The following SNX14 variants were observed in gnomAD, a reference collection of about 807,000 sequenced individuals.
SNX14 encodes the protein sorting nexin 14.
A neutral mutation model predicts 133.8 loss-of-function variants in SNX14; 93 were observed. The observed-to-expected ratio is 0.70, with a 90% CI of 0.59 to 0.83. The LOEUF (loss-of-function observed/expected upper bound fraction) is 0.83, where lower values mean the gene tolerates loss of function less well. Among genes scored for constraint, SNX14 ranks in the 40% least tolerant of loss-of-function variants. The pLI is 0.00. For missense variants in SNX14, 945 were observed against 1,094.9 expected (o/e 0.86, Z 1.93); for synonymous variants, 368 against 365.6 (o/e 1.01, Z -0.07).
At chr6:85,586,932 G>C (rs908002617) in intron 1 of SNX14, among the ~76,000 whole-genome samples, 2 of 152,114 alleles carry the variant, frequency 1.3e-5, no homozygotes, top group African/African-American at 2.4e-5. Flanking sequence ...TGTAATCCCA[G>C]CTACCTGGGA....
Position 85,555,271 on chromosome 6 carries a change from G to T in SNX14, c.634+2705C>A, listed in dbSNP as rs1252657508. Among the ~76,000 whole-genome samples the T allele has an allele frequency of 2.6e-5, 4 of 152,006 alleles. No individual in the cohort carries two copies. In the East Asian group the frequency reaches 7.7e-4, roughly 29 times the overall value. ...AAACTGTATTAAAAATACTTCCCCC[G>T]CACAAAAACCTACAAATGCTTATAA... On this transcript the variant is annotated intron_variant, in intron 7 of 28. Transcript: ENST00000314673.
chr6:85,545,648 A>T (rs1238779144), intron 12 of SNX14, among the ~76,000 whole-genome samples: 1 of 152,232 alleles, frequency 6.6e-6, no homozygotes, highest in Non-Finnish European at 1.5e-5. Flanking sequence ...ATGCATTCAT[A>T]CAATGGAATA....
At chr6:85,516,206 TTAAAA>T (rs1297821892) in intron 23 of SNX14, among the ~76,000 whole-genome samples, 117 of 152,318 alleles carry the variant, frequency 7.7e-4, no homozygotes, top group African/African-American at 2.7e-3. Flanking sequence ...TAGATGTTCC[TTAAAA>T]TAATCATTCC....
intron 1 of SNX14, among the ~76,000 whole-genome samples, chr6:85,588,321 C>T (rs1801628158): frequency 6.6e-6 from 1 of 151,898 alleles, no homozygotes; most frequent in African/African-American, 2.4e-5. Context: ...CGCCTGTAAT[C>T]CCAGCACTTT....
At position 85,567,561 on chromosome 6, in the gene SNX14, A is replaced by G; in HGVS notation, c.434T>C (p.Leu145Ser). The change falls in exon 5 of 29, where the codon TTG (leucine) becomes TCG (serine). Residue 145 changes from leucine (L) to serine (S), a missense_variant. This residue lies in a region of SNX14 where 514 missense variants were observed against 538.8 expected (regional missense o/e 0.95). Transcript: ENST00000314673. Reference sequence around the variant, plus strand: ...GTACCACGGATAAACAAAGTTTTCCAACACTAATTCAAGAACCTGCATAAA... The same window carrying G: ...GTACCACGGATAAACAAAGTTTTCCGACACTAATTCAAGAACCTGCATAAA... The part of the protein sequence containing the change: ...ASLSEVLELV[L>S]ENFVYPWYRD... The G allele has an allele frequency of 2.0e-6, 3 of 1,511,568 alleles. No individual in the cohort carries two copies. The highest frequency in any genetic ancestry group is 2.6e-6 in the Non-Finnish European group (3 of 1,140,504). The allele number at this position is 1,511,568 out of a possible 1,614,324, so 93.6% of individuals were successfully genotyped here.
In SNX14 at chr6:85,593,834, C is replaced by G. The variant is rs894703071; in HGVS notation, c.-116G>C. On this transcript the variant is annotated 5_prime_UTR_variant, in exon 1 of 29. Coordinates refer to ENST00000314673, the MANE Select transcript of SNX14 (RefSeq NM_153816.6). ...CTTGGCGGCGCACACAGACGCCTAC[C>G]GGCAGTTAGCCGCCGCAGGCTGAGG... 1.8e-5 allele frequency: 27 copies of G among 1,529,254 alleles called. No homozygotes were observed. The East Asian group carries it at 3.2e-4, about 18-fold the overall frequency. 94.7% of individuals were successfully genotyped at this position (1,529,254 alleles called of 1,614,324 possible). A position where few individuals can be genotyped will look rare whatever the true frequency, so the allele number is the denominator to read the frequency against.
intron 20 of SNX14, among the ~76,000 whole-genome samples, chr6:85,527,523 A>C (rs887205836): frequency 2.0e-5 from 3 of 152,092 alleles, no homozygotes; most frequent in Admixed American, 1.3e-4. Flanking sequence ...GGAAGCATCC[A>C]AATTTAACTG....
intron 2 of SNX14, 152 bp downstream of exon 2, chr6:85,574,106 T>A: frequency 1.3e-5 from 5 of 390,806 alleles, no homozygotes; most frequent in African/African-American, 6.3e-5. Flanking sequence ...TTTAGCAGAG[T>A]ACCTAAAAAA....
At chr6:85,568,799 A>T (rs1794712726) in intron 4 of SNX14, among the ~76,000 whole-genome samples, 1 of 152,210 alleles carries the variant, frequency 6.6e-6, no homozygotes, top group Non-Finnish European at 1.5e-5. Context: ...AGCATTGTTT[A>T]TATGTGTTGG....
chr6:85,518,054 A>T lies in SNX14; in HGVS notation c.2108-6T>A, dbSNP rs761522182. ...AACAGATTTTATAATTTTCCCTGCAATTAAAAGTAAAACATTATTTTAGGA... is the reference window on the plus strand; with the variant it reads ...AACAGATTTTATAATTTTCCCTGCATTTAAAAGTAAAACATTATTTTAGGA... On this transcript the variant is annotated splice_polypyrimidine_tract_variant and splice_region_variant and intron_variant, in intron 21 of 28. Transcript: ENST00000314673. 6.3e-7 allele frequency: 1 copy of T among 1,599,632 alleles called. No individual in the cohort carries two copies. The highest frequency in any genetic ancestry group is 1.1e-5 in the South Asian group (1 of 88,756).
At chr6:85,515,253 C>CTCTGTG (rs1774453053) in intron 23 of SNX14, among the ~76,000 whole-genome samples, 2 of 77,534 alleles carry the variant, frequency 2.6e-5, no homozygotes, top group Middle Eastern at 0.016. Context: ...GGTGACAGAG[C>CTCTGTG]AAGACCGTCA....
chr6:85,547,321 G>A lies in SNX14; in HGVS notation c.989C>T (p.Pro330Leu). 5 of 1,613,332 alleles carry A rather than the reference G, an allele frequency of 3.1e-6. No individual in the cohort carries two copies. Among genetic ancestry groups the A allele is most frequent in the Admixed American group, 1.7e-5 (1 of 59,876 alleles). ...GTTATTGCTGAAAATTCTTACAGAT[G>A]GCTTTTTATTTCTAGGTTCTGCAAA... ...QKFAEPRNKK[P>L]SVLKLELKQI... Residue 330 changes from proline (P) to leucine (L), a missense_variant, in exon 11 of 29, where the codon CCA becomes CTA. By Grantham distance (98) the Pro-to-Leu change is moderately conservative. Coordinates refer to ENST00000314673, the MANE Select transcript of SNX14 (RefSeq NM_153816.6).
Position 85,574,391 on chromosome 6 carries a change from T to C in SNX14, c.141-13A>G. On this transcript the variant is annotated splice_polypyrimidine_tract_variant and intron_variant, in intron 1 of 28. Coordinates refer to ENST00000314673, the MANE Select transcript of SNX14 (RefSeq NM_153816.6). ...AATATGAATATACCTTAAAAATAAA[T>C]GAAAATAATTATTACAACCAAAGAA... is the stretch of plus-strand genomic sequence containing the variant. 6.7e-7 allele frequency: 1 copy of C among 1,493,740 alleles called. No homozygotes were observed. Among genetic ancestry groups the C allele is most frequent in the Non-Finnish European group, 9.1e-7 (1 of 1,099,890 alleles). The allele number at this position is 1,493,740 out of a possible 1,614,324, so 92.5% of individuals were successfully genotyped here.
Position 85,557,409 on chromosome 6 carries a change from T to C in SNX14, c.634+567A>G, listed in dbSNP as rs117987474. 6.7e-3 allele frequency among the ~76,000 whole-genome samples: 1,014 copies of C among 152,270 alleles called. 7 individuals are homozygous for C. The highest frequency in any genetic ancestry group is 0.011 in the Non-Finnish European group (766 of 68,026). On this transcript the variant is annotated intron_variant, in intron 7 of 28. Coordinates refer to ENST00000314673, the MANE Select transcript of SNX14 (RefSeq NM_153816.6). Reference sequence around the variant, plus strand: ...AAAGGAAAGAAGGGAAAACATTTAATGAACATATGCTATGTGCAAATCATG... The same window carrying C: ...AAAGGAAAGAAGGGAAAACATTTAACGAACATATGCTATGTGCAAATCATG...
intron 28 of SNX14, among the ~76,000 whole-genome samples, chr6:85,506,824 G>A (rs1259567150): frequency 6.6e-6 from 1 of 152,098 alleles, no homozygotes; most frequent in Admixed American, 6.5e-5. Flanking sequence ...ATATGACCAT[G>A]CTCTAATTTT....
chr6:85,530,560 G>A (rs1240752695), intron 18 of SNX14, among the ~76,000 whole-genome samples: 5 of 151,058 alleles, frequency 3.3e-5, no homozygotes, highest in African/African-American at 7.3e-5. Context: ...CAGGAGAATC[G>A]CTTGAACCCA....
chr6:85,539,989 G>C (rs144647840), intron 15 of SNX14, among the ~76,000 whole-genome samples: 1 of 59,496 alleles, frequency 1.7e-5, no homozygotes, highest in South Asian at 5.1e-4. Context: ...TAATTGAGGC[G>C]GAGTCTTAGT....
rs1226890222 is a variant in SNX14 at position 85,584,556 on chromosome 6, AAAAC to A, written c.140+9019_140+9022del. The stretch of plus-strand genomic sequence containing the variant: ...GGAAGTTAAACAAATTTACAAGAAA[AAAAC>A]AAACAACCCCATCAAAAAGTGGGCG... On this transcript the variant is annotated intron_variant, in intron 1 of 28. Coordinates refer to ENST00000314673, the MANE Select transcript of SNX14 (RefSeq NM_153816.6). Among the ~76,000 whole-genome samples, 65 of 152,326 alleles carry A rather than the reference AAAAC, an allele frequency of 4.3e-4. 1 individual carries two copies. Among genetic ancestry groups the A allele is most frequent in the African/African-American group, 1.3e-3 (54 of 41,582 alleles).
intron 1 of SNX14, 107 bp downstream of exon 1, chr6:85,593,472 G>C: frequency 1.4e-6 from 2 of 1,441,994 alleles, no homozygotes; most frequent in African/African-American, 1.4e-5. Context: ...CTCCCCACTG[G>C]TCCCCAGTCC....
Sources: allele counts gnomAD v4.1 joint callset (sites outside exome capture counted in the v4.1 genomes callset), GRCh38; gene constraint gnomAD v4.1.1; regional missense constraint gnomAD v4.1.1; transcripts MANE v1.5; gene names NCBI Gene and HGNC (gene_info 2026-07-23, HGNC 2026-07-21).